EPB41L3: variants seen among roughly 807,000 people sequenced by gnomAD.
EPB41L3 encodes the protein band 4.1-like protein 3.
EPB41L3 carries 57 observed loss-of-function variants against 127.1 expected under a neutral mutation model. The ratio of observed to expected loss-of-function variants is 0.45; its 90% CI spans 0.36 to 0.56. The LOEUF is 0.56. Among genes scored for constraint, EPB41L3 ranks in the 20% least tolerant of loss-of-function variants. EPB41L3 has a pLI of 0.00. For synonymous variants in EPB41L3, 572 were observed against 549.5 expected, an observed-to-expected ratio of 1.04 and a Z score of -0.57; for missense variants, 1,273 against 1,372.2, an observed-to-expected ratio of 0.93 and a Z score of 1.14.
At chr18:5,623,268 A>AC (rs910058129) in intron 1 of EPB41L3, among the ~76,000 whole-genome samples, 3 of 152,200 alleles carry the variant, frequency 2.0e-5, no homozygotes, top group African/African-American at 7.2e-5. Flanking sequence ...TTTTATAAAT[A>AC]CCATGTGTCA....
intron 3 of EPB41L3, among the ~76,000 whole-genome samples, chr18:5,466,612 T>C (rs1398858885): frequency 6.6e-6 from 1 of 152,226 alleles, no homozygotes; most frequent in Non-Finnish European, 1.5e-5. Context: ...CCTTCAACTC[T>C]AAGAACTTGT....
chr18:5,570,659 T>G (rs150047585), intron 3 of EPB41L3: 68 of 152,324 alleles, frequency 4.5e-4, no homozygotes, highest in African/African-American at 1.6e-3. Flanking sequence ...ACGTGCAGGT[T>G]TGTTACATAT....
chr18:5,462,471 T>C (rs1333380317), intron 3 of EPB41L3, among the ~76,000 whole-genome samples: 3 of 152,180 alleles, frequency 2.0e-5, no homozygotes, highest in African/African-American at 7.2e-5. Context: ...CTTAGAAAAT[T>C]ATATCAGGAT....
chr18:5,398,960 C>G (rs1314181690), intron 16 of EPB41L3: 1 of 399,112 alleles, frequency 2.5e-6, no homozygotes, highest in Non-Finnish European at 4.4e-6. Context: ...TCGTCTGGAC[C>G]TCTGGTCCTC....
At chr18:5,453,362 G>T (rs1212234757) in intron 3 of EPB41L3, among the ~76,000 whole-genome samples, 1 of 152,152 alleles carries the variant, frequency 6.6e-6, no homozygotes, top group Non-Finnish European at 1.5e-5. Flanking sequence ...ATGAGAACTG[G>T]AGCTAAGCAG....
intron 1 of EPB41L3, among the ~76,000 whole-genome samples, chr18:5,520,700 A>G (rs536648299): frequency 6.6e-6 from 1 of 152,300 alleles, no homozygotes; most frequent in South Asian, 2.1e-4. Context: ...TCATGAGGGG[A>G]TCATTAAATC....
chr18:5,480,243 A>G (rs2088154761), intron 2 of EPB41L3: 1 of 152,232 alleles, frequency 6.6e-6, no homozygotes, highest in Non-Finnish European at 1.5e-5. Context: ...CACTGGAAAC[A>G]TGAACCCAAC....
intron 1 of EPB41L3, among the ~76,000 whole-genome samples, chr18:5,534,026 G>A (rs2093493996): frequency 1.3e-5 from 2 of 152,154 alleles, no homozygotes; most frequent in South Asian, 4.1e-4. Context: ...AGCAAGGCGT[G>A]GTGGCGGGCG....
chr18:5,487,204 C>T (rs897151150), intron 2 of EPB41L3, among the ~76,000 whole-genome samples: 2 of 151,904 alleles, frequency 1.3e-5, no homozygotes, highest in Admixed American at 6.6e-5. Flanking sequence ...CAGGCTGTTA[C>T]GTTAAGTGAA....
At chr18:5,487,790 GAA>G (rs200148406) in intron 2 of EPB41L3, among the ~76,000 whole-genome samples, 3 of 124,274 alleles carry the variant, frequency 2.4e-5, no homozygotes, top group African/African-American at 2.9e-5. Context: ...GTATAAAATT[GAA>G]AAAAAAAAAA....
upstream of EPB41L3, among the ~76,000 whole-genome samples, chr18:5,630,093 G>GC (rs918079560): frequency 2.2e-4 from 34 of 152,302 alleles, no homozygotes; most frequent in African/African-American, 8.2e-4. Context: ...AACACAGCGC[G>GC]CAGGCGGTCG....
chr18:5,595,620 G>A (rs1374782841), intron 3 of EPB41L3, among the ~76,000 whole-genome samples: 1 of 152,152 alleles, frequency 6.6e-6, no homozygotes, highest in Admixed American at 6.5e-5. Flanking sequence ...TGAAAGCTCA[G>A]AGAGTAGGAT....
At chr18:5,459,567 A>G (rs1460216837) in intron 3 of EPB41L3, among the ~76,000 whole-genome samples, 2 of 152,198 alleles carry the variant, frequency 1.3e-5, no homozygotes, top group Non-Finnish European at 2.9e-5. Context: ...GTATTTTTAA[A>G]TCTTTCATTA....
intron 2 of EPB41L3, among the ~76,000 whole-genome samples, chr18:5,483,080 A>T (rs1475037841): frequency 6.6e-6 from 1 of 152,122 alleles, no homozygotes; most frequent in East Asian, 1.9e-4. Context: ...AATAATACCT[A>T]CAGCAACCAG....
intron 3 of EPB41L3, among the ~76,000 whole-genome samples, chr18:5,603,653 C>A (rs1437145982): frequency 6.6e-6 from 1 of 152,036 alleles, no homozygotes. Context: ...GAGGCCAAGG[C>A]AGGAGGATCA....
chr18:5,626,872 T>C (rs1205289877), intron 1 of EPB41L3, among the ~76,000 whole-genome samples: 3 of 152,174 alleles, frequency 2.0e-5, no homozygotes, highest in African/African-American at 7.2e-5. Context: ...ATTGTGAGAA[T>C]AGGTAATTTG....
chr18:5,571,350 G>T (rs1419276219), intron 3 of EPB41L3, among the ~76,000 whole-genome samples: 1 of 152,176 alleles, frequency 6.6e-6, no homozygotes, highest in East Asian at 1.9e-4. Flanking sequence ...GAAATGGAAA[G>T]GAATGTGACC....
chr18:5,544,385 A>G, upstream of EPB41L3: 4 of 916,818 alleles, frequency 4.4e-6, no homozygotes, highest in Non-Finnish European at 5.2e-6. Context: ...CAGGTGAGTT[A>G]TTTATTGGCT....
At position 5,438,026 on chromosome 18, in the gene EPB41L3, T is replaced by C. The variant is rs575853081; in HGVS notation, c.605+9A>G. 8 of 1,613,052 alleles carry C rather than the reference T, an allele frequency of 5.0e-6. No homozygotes were observed. In the South Asian group the frequency reaches 8.8e-5, roughly 18 times the overall value. ...ATGCTTGTCTTTTGCATAGCCAACT[T>C]TCAAATACCTGGTGATATCTTCAGA... On this transcript the variant is annotated intron_variant, in intron 6 of 22. Transcript: ENST00000341928.
Sources: gnomAD v4.1 joint callset for allele counts (sites outside exome capture counted in the v4.1 genomes callset) on GRCh38, gnomAD v4.1.1 for gene constraint, MANE v1.5 for transcripts, NCBI Gene and HGNC (gene_info 2026-07-23, HGNC 2026-07-21) for gene names.